The following CNTNAP2 variants were observed in gnomAD, a reference collection of about 807,000 sequenced individuals.
CNTNAP2 encodes contactin-associated protein-like 2.
Under a neutral mutation model 155.2 loss-of-function variants are expected in CNTNAP2, and 98 were observed. The observed-to-expected ratio is 0.63, with a 90% CI of 0.54 to 0.75. The LOEUF (loss-of-function observed/expected upper bound fraction) is 0.75. Among genes scored for constraint, CNTNAP2 ranks in the 30% least tolerant of loss-of-function variants. CNTNAP2 has a pLI of 0.00. For missense variants in CNTNAP2, 1,727 were observed against 1,688.1 expected (o/e 1.02, Z -0.40); for synonymous variants, 651 against 631.2 (o/e 1.03, Z -0.47).
chr7:147,339,129 G>A (rs1377533958), intron 9 of CNTNAP2, among the ~76,000 whole-genome samples: 1 of 151,572 alleles, frequency 6.6e-6, no homozygotes, highest in Non-Finnish European at 1.5e-5. Context: ...TTTTAAATAA[G>A]TTATATTATT....
In CNTNAP2 at chr7:148,253,290, C is replaced by G. The variant is rs571149032; in HGVS notation, c.3382-13743C>G. Among the ~76,000 whole-genome samples, 37 of 152,244 alleles carry G rather than the reference C, an allele frequency of 2.4e-4. No individual in the cohort carries two copies. The South Asian group carries it at 4.1e-3, about 17-fold the overall frequency. On this transcript the variant is annotated intron_variant, in intron 20 of 23. Coordinates refer to ENST00000361727, the MANE Select transcript of CNTNAP2 (RefSeq NM_014141.6). ...CCTAAAGATCAATGAGGCTAGTGAC[C>G]TCAACACCCTTAGAGAAATTTGGTT...
intron 21 of CNTNAP2, among the ~76,000 whole-genome samples, chr7:148,325,225 A>T (rs1797866719): frequency 6.6e-6 from 1 of 152,252 alleles, no homozygotes; most frequent in African/African-American, 2.4e-5. Context: ...AAATTTAAGC[A>T]TCTTTTCACG....
intron 3 of CNTNAP2, among the ~76,000 whole-genome samples, chr7:146,924,173 C>G (rs762570568): frequency 6.6e-6 from 1 of 152,134 alleles, no homozygotes; most frequent in African/African-American, 2.4e-5. Flanking sequence ...GGCTGACACT[C>G]AGGCCTTGTC....
intron 1 of CNTNAP2, among the ~76,000 whole-genome samples, chr7:146,570,272 T>C (rs1417574333): frequency 1.3e-5 from 2 of 152,074 alleles, no homozygotes; most frequent in Non-Finnish European, 2.9e-5. Context: ...CAGCAAACAC[T>C]GGATAATGTA....
intron 1 of CNTNAP2, among the ~76,000 whole-genome samples, chr7:146,377,892 C>T (rs574434849): frequency 6.6e-5 from 10 of 152,296 alleles, no homozygotes; most frequent in South Asian, 2.1e-4. Context: ...ATAGGCCCAA[C>T]GTGGGGCCTG....
chr7:148,181,470 AG>A (rs551614651), intron 18 of CNTNAP2, among the ~76,000 whole-genome samples: 18 of 152,342 alleles, frequency 1.2e-4, no homozygotes, highest in Admixed American at 2.6e-4. Flanking sequence ...AATTCAGAAA[AG>A]TCAAAGCTGC....
chr7:147,294,228 G>C (rs56079826), intron 8 of CNTNAP2, among the ~76,000 whole-genome samples: 7,410 of 152,230 alleles, frequency 0.049, 259 homozygotes, highest in Non-Finnish European at 0.069. Context: ...CACATAAACT[G>C]TCAAGGCCTA....
At chr7:146,534,946 A>T (rs1797824335) in intron 1 of CNTNAP2, among the ~76,000 whole-genome samples, 2 of 146,760 alleles carry the variant, frequency 1.4e-5, no homozygotes, top group Admixed American at 7.1e-5. Context: ...AATATAAGAG[A>T]AATATTTTGC....
chr7:147,074,306 A>G (rs754398635), intron 4 of CNTNAP2, among the ~76,000 whole-genome samples: 9 of 152,030 alleles, frequency 5.9e-5, no homozygotes, highest in Non-Finnish European at 1.2e-4. Context: ...GCAAGTAACT[A>G]TATTCCCCTT....
chr7:147,786,046 C>T (rs539136640), intron 13 of CNTNAP2, among the ~76,000 whole-genome samples: 1 of 152,174 alleles, frequency 6.6e-6, no homozygotes, highest in East Asian at 1.9e-4. Flanking sequence ...AATCCCCACA[C>T]TTTGGAAGGC....
chr7:147,083,539 T>TATATATATATGTATATATATATATAC, intron 4 of CNTNAP2, among the ~76,000 whole-genome samples: 1 of 30,392 alleles, frequency 3.3e-5, no homozygotes, highest in African/African-American at 6.8e-5. Context: ...TATATATACA[T>TATATATATATGTATATATATATATAC]ATATATATAT....
chr7:147,207,426 T>A (rs894701255), intron 8 of CNTNAP2, among the ~76,000 whole-genome samples: 1 of 152,152 alleles, frequency 6.6e-6, no homozygotes, highest in Admixed American at 6.5e-5. Context: ...GAGAACATTT[T>A]TACTATTAAT....
At chr7:146,875,950 A>C (rs1316918525) in intron 3 of CNTNAP2, among the ~76,000 whole-genome samples, 22 of 148,282 alleles carry the variant, frequency 1.5e-4, no homozygotes, top group African/African-American at 2.8e-4. Flanking sequence ...AAAAAAAAAA[A>C]AAAAAAAAAA....
intron 21 of CNTNAP2, among the ~76,000 whole-genome samples, chr7:148,315,492 G>C (rs940306229): frequency 4.6e-5 from 7 of 152,112 alleles, no homozygotes; most frequent in African/African-American, 1.4e-4. Flanking sequence ...AGTTAAGGCA[G>C]GAACAGGCCA....
intron 3 of CNTNAP2, among the ~76,000 whole-genome samples, chr7:146,954,766 G>C (rs1271930317): frequency 6.6e-6 from 1 of 151,766 alleles, no homozygotes; most frequent in African/African-American, 2.4e-5. Flanking sequence ...CTTTCAAACT[G>C]TCACTTATAC....
At chr7:146,882,835 A>G (rs1172147251) in intron 3 of CNTNAP2, among the ~76,000 whole-genome samples, 1 of 152,206 alleles carries the variant, frequency 6.6e-6, no homozygotes, top group African/African-American at 2.4e-5. Context: ...CTACAAAAAG[A>G]AGAAAATATC....
chr7:147,012,195 A>C (rs371785635), intron 3 of CNTNAP2, among the ~76,000 whole-genome samples: 196 of 152,300 alleles, frequency 1.3e-3, no homozygotes, highest in South Asian at 2.9e-3. Flanking sequence ...ATTATAAAAA[A>C]TGGTGGTGCC....
chr7:146,604,715 A>C (rs1444332939), intron 1 of CNTNAP2, among the ~76,000 whole-genome samples: 1 of 136,880 alleles, frequency 7.3e-6, no homozygotes, highest in Non-Finnish European at 1.6e-5. Flanking sequence ...AAAATGTGGC[A>C]CATATACACC....
At chr7:147,292,116 T>G (rs1389099916) in intron 8 of CNTNAP2, among the ~76,000 whole-genome samples, 1 of 152,192 alleles carries the variant, frequency 6.6e-6, no homozygotes, top group East Asian at 1.9e-4. Context: ...TCAAGTGATT[T>G]TGATGTCCTC....
Sources: gnomAD v4.1 joint callset for allele counts (sites outside exome capture counted in the v4.1 genomes callset) on GRCh38, gnomAD v4.1.1 for gene constraint, MANE v1.5 for transcripts, NCBI Gene and HGNC (gene_info 2026-07-23, HGNC 2026-07-21) for gene names.